TRIO: variants seen among roughly 807,000 people sequenced by gnomAD.
TRIO encodes the protein trio Rho guanine nucleotide exchange factor.
In TRIO, 58 loss-of-function variants were observed where a neutral mutation model predicts 351.9. The observed-to-expected ratio is 0.16, with a 90% CI of 0.13 to 0.21. The LOEUF (loss-of-function observed/expected upper bound fraction) is 0.21. Ranked by LOEUF, TRIO falls within the 10% of genes least tolerant of loss-of-function variation. The pLI is 1.00. For missense variants in TRIO, 3,201 were observed against 4,027.8 expected (o/e 0.79, Z 5.56); for synonymous variants, 1,758 against 1,595.7 (o/e 1.10, Z -2.42).
chr5:14,312,329 A>G (rs1009792786), intron 8 of TRIO, among the ~76,000 whole-genome samples: 5 of 152,240 alleles, frequency 3.3e-5, no homozygotes, highest in African/African-American at 1.2e-4. Flanking sequence ...AGGAACAAAC[A>G]TATCTTTGAT....
rs199705412 is a variant in TRIO, at chr5:14,391,088, TTCATTTTTGTCTA to T, written c.4218+119_4218+131del. ...TTCACCTAATTGATAGTACAATGTT[TTCATTTTTGTCTA>T]TCATTTTTGTCTATCATTTTGTCTA... On this transcript the variant is annotated intron_variant, in intron 27 of 56. Coordinates refer to ENST00000344204, the MANE Select transcript of TRIO (RefSeq NM_007118.4). 4.9e-4 allele frequency: 433 copies of T among 879,024 alleles called. No individual in the cohort carries two copies. In the African/African-American group the frequency reaches 5.9e-3, roughly 12 times the overall value. The allele number at this position is 879,024 out of a possible 1,614,324, so 54.5% of individuals were successfully genotyped here.
chr5:14,215,490 G>C (rs1407651582), intron 1 of TRIO, among the ~76,000 whole-genome samples: 1 of 152,096 alleles, frequency 6.6e-6, no homozygotes, highest in African/African-American at 2.4e-5. Flanking sequence ...TCTTTATTCA[G>C]ACCAACCTTC....
chr5:14,263,637 C>T (rs1383079131), intron 1 of TRIO, among the ~76,000 whole-genome samples: 1 of 152,166 alleles, frequency 6.6e-6, no homozygotes, highest in Non-Finnish European at 1.5e-5. Context: ...TTTTGTCCCT[C>T]TGGTTCATTT....
intron 11 of TRIO, among the ~76,000 whole-genome samples, chr5:14,339,323 A>G (rs1340486961): frequency 6.6e-6 from 1 of 152,228 alleles, no homozygotes; most frequent in Admixed American, 6.5e-5. Flanking sequence ...ACAATCTTCT[A>G]ATAAGAGCAT....
chr5:14,495,751 G>A (rs1756849366), intron 49 of TRIO, among the ~76,000 whole-genome samples: 1 of 148,844 alleles, frequency 6.7e-6, no homozygotes, highest in African/African-American at 2.5e-5. Flanking sequence ...GGTGGATCAC[G>A]AGGTCAAGAG....
At chr5:14,500,574 C>T (rs1049191265) in intron 53 of TRIO, among the ~76,000 whole-genome samples, 37 of 152,134 alleles carry the variant, frequency 2.4e-4, no homozygotes, top group African/African-American at 8.7e-4. Flanking sequence ...GTCATCCCAC[C>T]AGCCAGGGCC....
rs1746088463 is a variant in TRIO at position 14,381,377 on chromosome 5, G to A, written c.3570+125G>A. 5.7e-6 allele frequency: 7 copies of A among 1,223,616 alleles called. No individual in the cohort carries two copies. The South Asian group carries it at 1.1e-4, about 19-fold the overall frequency. 75.8% of individuals were successfully genotyped at this position (1,223,616 alleles called of 1,614,324 possible). On this transcript the variant is annotated intron_variant, in intron 21 of 56. Coordinates refer to ENST00000344204, the MANE Select transcript of TRIO (RefSeq NM_007118.4). The stretch of plus-strand genomic sequence containing the variant: ...CCCAGTGGGCTGTTCCACATTAACT[G>A]GAGGATGCTTCCTCCTTCCGTTCAC...
chr5:14,259,095 C>G (rs953247070), intron 1 of TRIO, among the ~76,000 whole-genome samples: 14 of 152,206 alleles, frequency 9.2e-5, no homozygotes, highest in African/African-American at 3.1e-4. Flanking sequence ...TGAGGCTTCC[C>G]TCTGCCGGGT....
At chr5:14,400,094 C>CA (rs1379471632) in intron 30 of TRIO, among the ~76,000 whole-genome samples, 2 of 152,072 alleles carry the variant, frequency 1.3e-5, no homozygotes, top group African/African-American at 4.8e-5. Context: ...GTTTTCATAC[C>CA]ATTTTGTTTG....
At chr5:14,502,440 C>T (rs973898094) in intron 53 of TRIO, 139 bp from the exon 54 acceptor site, 1 of 688,474 alleles carries the variant, frequency 1.5e-6, no homozygotes, top group African/African-American at 1.8e-5. Context: ...GCAGCCACCA[C>T]ATCTCCACTC....
intron 1 of TRIO, among the ~76,000 whole-genome samples, chr5:14,199,089 T>G (rs1222647351): frequency 6.9e-6 from 1 of 145,942 alleles, no homozygotes; most frequent in African/African-American, 2.5e-5. Context: ...ATACAAAAAT[T>G]AACCAGGCAT....
chr5:14,300,347 A>G (rs1267856963), intron 7 of TRIO, among the ~76,000 whole-genome samples: 1 of 152,234 alleles, frequency 6.6e-6, no homozygotes, highest in Non-Finnish European at 1.5e-5. Flanking sequence ...TATTGAAGCT[A>G]CTCAGAGTTA....
chr5:14,481,871 G>A (rs1161298746), intron 45 of TRIO: 2 of 457,406 alleles, frequency 4.4e-6, no homozygotes, highest in East Asian at 4.0e-5. Flanking sequence ...AGCAGGACCG[G>A]GCTTTGTCTC....
At chr5:14,493,115 T>C (rs1463326493) in intron 49 of TRIO, among the ~76,000 whole-genome samples, 1 of 152,220 alleles carries the variant, frequency 6.6e-6, no homozygotes, top group Non-Finnish European at 1.5e-5. Flanking sequence ...GTTTGTTTGT[T>C]TGTTTGTTTA....
chr5:14,346,092 A>C (rs1045254977), intron 11 of TRIO, among the ~76,000 whole-genome samples: 1 of 152,216 alleles, frequency 6.6e-6, no homozygotes, highest in Non-Finnish European at 1.5e-5. Context: ...AGGACAGCTT[A>C]AAAGCTCCAG....
At chr5:14,480,587 G>T (rs762615969) in intron 43 of TRIO, among the ~76,000 whole-genome samples, 2 of 152,162 alleles carry the variant, frequency 1.3e-5, no homozygotes, top group African/African-American at 2.4e-5. Context: ...GCAGAGTCAC[G>T]TGTTTTTCTG....
intron 11 of TRIO, among the ~76,000 whole-genome samples, chr5:14,339,598 C>T (rs184475487): frequency 1.3e-5 from 2 of 152,284 alleles, no homozygotes; most frequent in Non-Finnish European, 2.9e-5. Context: ...CTTGTGTGCA[C>T]GTCACGTAAC....
chr5:14,456,930 A>G (rs981954127), intron 34 of TRIO, among the ~76,000 whole-genome samples: 2 of 152,224 alleles, frequency 1.3e-5, no homozygotes, highest in African/African-American at 4.8e-5. Context: ...TTAAACTCCT[A>G]ATGTGTACAT....
chr5:14,390,065 G>A (rs951636962), intron 25 of TRIO, among the ~76,000 whole-genome samples, 166 bp from the exon 26 acceptor site: 10 of 152,204 alleles, frequency 6.6e-5, no homozygotes, highest in Non-Finnish European at 1.2e-4. Context: ...AGCATTTGAA[G>A]GCGAAACTGG....
Sources: gnomAD v4.1 joint callset for allele counts (sites outside exome capture counted in the v4.1 genomes callset) on GRCh38, gnomAD v4.1.1 for gene constraint, MANE v1.5 for transcripts, NCBI Gene and HGNC (gene_info 2026-07-23, HGNC 2026-07-21) for gene names.